The following SNX29 variants were observed in gnomAD, a reference collection of about 807,000 sequenced individuals.
SNX29 encodes sorting nexin-29.
A neutral mutation model predicts 102.1 loss-of-function variants in SNX29; 78 were observed. The ratio of observed to expected loss-of-function variants is 0.76; its 90% CI spans 0.64 to 0.92. The LOEUF is 0.92. SNX29 is among the 40% of genes least tolerant of loss of function. The pLI is 0.00. For missense variants in SNX29, 1,280 were observed against 1,061.7 expected (o/e 1.21, Z -2.86); for synonymous variants, 580 against 414.5 (o/e 1.40, Z -4.85).
At chr16:12,396,938 G>T (rs1016118975) in intron 16 of SNX29, among the ~76,000 whole-genome samples, 1 of 152,204 alleles carries the variant, frequency 6.6e-6, no homozygotes, top group Non-Finnish European at 1.5e-5. Flanking sequence ...ACAGGGTCAT[G>T]CTCTGTCACC....
At chr16:12,437,159 A>C (rs4781240) in intron 18 of SNX29, among the ~76,000 whole-genome samples, 87,184 of 151,804 alleles carry the variant, frequency 0.57, 25,871 homozygotes, top group African/African-American at 0.73. Flanking sequence ...GAAATCCTGT[A>C]ATTTTTCAGG....
At chr16:12,544,050 C>T (rs2077470959) in intron 20 of SNX29, among the ~76,000 whole-genome samples, 1 of 152,194 alleles carries the variant, frequency 6.6e-6, no homozygotes, top group South Asian at 2.1e-4. Flanking sequence ...ATTGCAAAGC[C>T]ACAGGAATCA....
chr16:12,557,930 C>G (rs894143757), intron 20 of SNX29, among the ~76,000 whole-genome samples: 2 of 152,164 alleles, frequency 1.3e-5, no homozygotes, highest in Non-Finnish European at 2.9e-5. Context: ...AGGCAGGCTG[C>G]TATTTTCATT....
chr16:12,475,651 C>T (rs2087557917), intron 18 of SNX29, among the ~76,000 whole-genome samples: 1 of 152,236 alleles, frequency 6.6e-6, no homozygotes, highest in Non-Finnish European at 1.5e-5. Flanking sequence ...TAGGCACAAT[C>T]ATCTAACACA....
At chr16:12,193,255 A>G (rs1042210090) in intron 13 of SNX29, among the ~76,000 whole-genome samples, 1 of 152,130 alleles carries the variant, frequency 6.6e-6, no homozygotes, top group African/African-American at 2.4e-5. Flanking sequence ...TTGTAATTCC[A>G]TTACAAGAGT....
At position 12,286,475 on chromosome 16, in the gene SNX29, A is replaced by G. The variant is rs1277149808; in HGVS notation, c.1782+8439A>G. On this transcript the variant is annotated intron_variant, in intron 15 of 20. Transcript: ENST00000566228. ...ATTCTTCTGCCTCAGCCTCCCAAGT[A>G]GCTGGGACTACAGGCCCCACCACCA... 2.0e-5 allele frequency among the ~76,000 whole-genome samples: 3 copies of G among 150,922 alleles called. No individual in the cohort carries two copies. In the East Asian group the frequency reaches 5.9e-4, roughly 29 times the overall value.
At chr16:12,316,308 G>T (rs948100758) in intron 15 of SNX29, among the ~76,000 whole-genome samples, 1 of 152,152 alleles carries the variant, frequency 6.6e-6, no homozygotes, top group Non-Finnish European at 1.5e-5. Flanking sequence ...GGATCACAAG[G>T]CCGAGGTGGG....
intron 15 of SNX29, among the ~76,000 whole-genome samples, chr16:12,302,651 C>T (rs2151103197): frequency 6.6e-6 from 1 of 152,336 alleles, no homozygotes. Flanking sequence ...AGGCCCTGCT[C>T]TTCTAATACA....
chr16:12,519,071 C>T (rs921945431), intron 19 of SNX29, among the ~76,000 whole-genome samples: 16 of 152,172 alleles, frequency 1.1e-4, no homozygotes, highest in Admixed American at 6.5e-5. Context: ...ATGTGGTCCG[C>T]TAATCAGGCA....
chr16:12,315,562 G>A (rs2080704673), intron 15 of SNX29, among the ~76,000 whole-genome samples: 1 of 152,158 alleles, frequency 6.6e-6, no homozygotes, highest in Admixed American at 6.5e-5. Context: ...TCATTAGGGT[G>A]GGGCCTGTGT....
intron 13 of SNX29, among the ~76,000 whole-genome samples, chr16:12,150,359 A>G (rs1198565742): frequency 1.3e-5 from 2 of 152,170 alleles, no homozygotes; most frequent in African/African-American, 4.8e-5. Flanking sequence ...TGGTTCTTGG[A>G]TTAGAGTCTG....
At chr16:12,013,890 A>G (rs1010603179) in intron 3 of SNX29, among the ~76,000 whole-genome samples, 18 of 151,948 alleles carry the variant, frequency 1.2e-4, no homozygotes, top group South Asian at 4.2e-4. Flanking sequence ...AGCTCAGGCA[A>G]TCTACCCGCT....
At chr16:12,087,825 C>T in intron 11 of SNX29, 1 of 456,830 alleles carries the variant, frequency 2.2e-6, no homozygotes, top group South Asian at 1.5e-5. Flanking sequence ...TATCCTCTTT[C>T]CCTCTTCCTC....
At chr16:12,210,309 T>C (rs1414825701) in intron 14 of SNX29, among the ~76,000 whole-genome samples, 2 of 144,324 alleles carry the variant, frequency 1.4e-5, no homozygotes, top group African/African-American at 2.5e-5. Flanking sequence ...CTCAAGGGAC[T>C]CAGACGTTCC....
intron 14 of SNX29, among the ~76,000 whole-genome samples, chr16:12,204,692 A>T (rs2077001862): frequency 6.6e-6 from 1 of 152,212 alleles, no homozygotes; most frequent in South Asian, 2.1e-4. Context: ...GAGCAATTTA[A>T]AAAGTTTGTT....
chr16:12,551,795 C>T (rs3848241), intron 20 of SNX29, among the ~76,000 whole-genome samples: 40,200 of 151,920 alleles, frequency 0.26, 6,198 homozygotes, highest in East Asian at 0.51. Context: ...AGCACATGGG[C>T]ATCAAACTTC....
chr16:12,288,681 A>G (rs910776216), intron 15 of SNX29, among the ~76,000 whole-genome samples: 9 of 150,552 alleles, frequency 6.0e-5, no homozygotes, highest in Non-Finnish European at 8.9e-5. Context: ...ATCTGGGGAA[A>G]AAAAAAAAAA....
chr16:12,029,077 G>A (rs139149250), intron 4 of SNX29, among the ~76,000 whole-genome samples: 126 of 151,972 alleles, frequency 8.3e-4, no homozygotes, highest in African/African-American at 3.0e-3. Flanking sequence ...TACATGCCTA[G>A]AATGTGTAAT....
intron 20 of SNX29, among the ~76,000 whole-genome samples, chr16:12,540,840 C>T (rs1238353481): frequency 2.6e-5 from 4 of 152,180 alleles, no homozygotes; most frequent in African/African-American, 2.4e-5. Context: ...AACAAGATCG[C>T]CTCCACCCTT....
Sources: gnomAD v4.1 joint callset for allele counts (sites outside exome capture counted in the v4.1 genomes callset) on GRCh38, gnomAD v4.1.1 for gene constraint, MANE v1.5 for transcripts, NCBI Gene and HGNC (gene_info 2026-07-23, HGNC 2026-07-21) for gene names.